The following PTPRG variants were observed in gnomAD, a reference collection of about 807,000 sequenced individuals.
PTPRG encodes the protein protein tyrosine phosphatase receptor type G, also known as receptor-type tyrosine-protein phosphatase gamma.
Under a neutral mutation model 165.3 loss-of-function variants are expected in PTPRG, and 102 were observed. That is an observed-to-expected ratio of 0.62 (90% CI 0.53 to 0.73). The LOEUF (loss-of-function observed/expected upper bound fraction) is 0.73. Among genes scored for constraint, PTPRG ranks in the 30% least tolerant of loss-of-function variants. The probability of loss-of-function intolerance (pLI) is 0.00; values close to 1 mark genes in which losing one functional copy is unlikely to be tolerated. For synonymous variants in PTPRG, 675 were observed against 669.5 expected, an observed-to-expected ratio of 1.01 and a Z score of -0.13; for missense variants, 1,866 against 1,861.4, an observed-to-expected ratio of 1.00 and a Z score of -0.05.
At chr3:62,038,214 A>T (rs941049474) in intron 4 of PTPRG, among the ~76,000 whole-genome samples, 2 of 152,214 alleles carry the variant, frequency 1.3e-5, no homozygotes, top group African/African-American at 4.8e-5. Flanking sequence ...AATTTTTATC[A>T]GGAAACTAAT....
chr3:61,872,189 C>A (rs1323786193), intron 2 of PTPRG, among the ~76,000 whole-genome samples: 2 of 152,176 alleles, frequency 1.3e-5, no homozygotes, highest in East Asian at 1.9e-4. Context: ...TTCTCTACTA[C>A]AGCTACTGTT....
intron 2 of PTPRG, among the ~76,000 whole-genome samples, chr3:61,846,332 T>C (rs1211683409): frequency 6.6e-6 from 1 of 152,296 alleles, no homozygotes; most frequent in East Asian, 1.9e-4. Flanking sequence ...CAGCTAGGAA[T>C]GTAGTCATCC....
At chr3:61,633,793 A>G (rs1399304710) in intron 1 of PTPRG, among the ~76,000 whole-genome samples, 1 of 152,116 alleles carries the variant, frequency 6.6e-6, no homozygotes, top group Non-Finnish European at 1.5e-5. Context: ...TAGGAGGAAA[A>G]ATATATAGTC....
At chr3:61,701,370 G>A (rs1334288957) in intron 1 of PTPRG, among the ~76,000 whole-genome samples, 1 of 152,118 alleles carries the variant, frequency 6.6e-6, no homozygotes, top group Non-Finnish European at 1.5e-5. Context: ...GGCTAGTGCT[G>A]TTTAATTTTC....
chr3:61,751,292 C>A (rs984851723), intron 2 of PTPRG, among the ~76,000 whole-genome samples: 1 of 152,086 alleles, frequency 6.6e-6, no homozygotes, highest in Admixed American at 6.5e-5. Context: ...AAAACCACAG[C>A]AAATGAGATG....
rs953603586 is a variant in PTPRG, at chr3:62,264,003, G to A, written c.2656+1109G>A. The A allele has an allele frequency of 2.0e-4, 31 of 152,382 alleles. No homozygotes were observed. In the Middle Eastern group the frequency reaches 0.01, roughly 49 times the overall value. 9.4% of individuals were successfully genotyped at this position (152,382 alleles called of 1,614,324 possible). A position where few individuals can be genotyped will look rare whatever the true frequency, so the allele number is the denominator to read the frequency against. On this transcript the variant is annotated intron_variant, in intron 17 of 29. Transcript: ENST00000474889. ...TCTACTAAAAATACAAAAATTAGCC[G>A]GGCGTGGTGGCAGGCGCCTGTAGTC...
rs187378391 is a variant in PTPRG at position 61,936,135 on chromosome 3, C to G, written c.191-53490C>G. On this transcript the variant is annotated intron_variant, in intron 2 of 29. Transcript: ENST00000474889. ...ACCATCTTGGAAGCAGAGAACAGCT[C>G]TCATCAGACATCAGTCCTGTTGGTG... Among the ~76,000 whole-genome samples, 156 of 152,324 alleles carry G rather than the reference C, an allele frequency of 1.0e-3. 1 individual carries two copies. Among genetic ancestry groups the G allele is most frequent in the African/African-American group, 3.0e-3 (123 of 41,580 alleles).
intron 4 of PTPRG, among the ~76,000 whole-genome samples, chr3:62,034,154 A>G (rs924830780): frequency 6.6e-6 from 1 of 152,194 alleles, no homozygotes; most frequent in African/African-American, 2.4e-5. Context: ...ATGCTCACAT[A>G]CTCAAGTTCA....
chr3:61,750,013 C>T (rs1386135214), intron 2 of PTPRG: 1 of 152,110 alleles, frequency 6.6e-6, no homozygotes, highest in Non-Finnish European at 1.5e-5. Context: ...TTTTTGCATC[C>T]TTTTGTCTAT....
chr3:62,045,673 C>A (rs976936695), intron 4 of PTPRG, among the ~76,000 whole-genome samples: 4 of 152,156 alleles, frequency 2.6e-5, no homozygotes, highest in Non-Finnish European at 5.9e-5. Flanking sequence ...GTAACAGTCA[C>A]CAGTGCCAGT....
At chr3:61,656,187 G>A (rs1702505440) in intron 1 of PTPRG, among the ~76,000 whole-genome samples, 1 of 152,122 alleles carries the variant, frequency 6.6e-6, no homozygotes, top group African/African-American at 2.4e-5. Flanking sequence ...AGCTATGATT[G>A]TACCACTGTA....
chr3:61,749,141 A>G (rs976817872), intron 2 of PTPRG, 159 bp downstream of exon 2: 2 of 722,404 alleles, frequency 2.8e-6, no homozygotes, highest in African/African-American at 1.7e-5. Flanking sequence ...TTTTTCCTCA[A>G]GGTTATAAGC....
At chr3:61,821,458 C>T (rs1036160551) in intron 2 of PTPRG, among the ~76,000 whole-genome samples, 8 of 152,226 alleles carry the variant, frequency 5.3e-5, no homozygotes, top group South Asian at 2.1e-4. Flanking sequence ...CGTGAGCCAC[C>T]GCGCACTGCC....
In PTPRG at chr3:61,808,485, G is replaced by A. The variant is rs559377611; in HGVS notation, c.190+59503G>A. On this transcript the variant is annotated intron_variant, in intron 2 of 29. Coordinates refer to ENST00000474889, the MANE Select transcript of PTPRG (RefSeq NM_002841.4). ...GGCTCTTGGTCCAGTTTGGGAACCC[G>A]TAAAAGAAGTTATCAACCTCATCAT... 2.0e-5 allele frequency among the ~76,000 whole-genome samples: 3 copies of A among 151,962 alleles called. No homozygotes were observed. In the East Asian group the frequency reaches 5.8e-4, roughly 29 times the overall value.
intron 1 of PTPRG, among the ~76,000 whole-genome samples, chr3:61,572,601 G>A (rs1416317013): frequency 6.6e-6 from 1 of 152,138 alleles, no homozygotes; most frequent in Non-Finnish European, 1.5e-5. Context: ...GTTTCTGGGT[G>A]CCTAGAGCAT....
chr3:61,802,486 G>C (rs1293684148), intron 2 of PTPRG, among the ~76,000 whole-genome samples: 2 of 152,230 alleles, frequency 1.3e-5, no homozygotes, highest in Non-Finnish European at 2.9e-5. Context: ...TACAGGGGAA[G>C]TGTTGTCAAA....
chr3:61,909,618 T>G (rs900014955), intron 2 of PTPRG, among the ~76,000 whole-genome samples: 15 of 152,104 alleles, frequency 9.9e-5, no homozygotes, highest in African/African-American at 3.1e-4. Context: ...CCCAAAATGC[T>G]CAAGCAGTTA....
chr3:62,196,719 T>C (rs987573762), intron 10 of PTPRG, among the ~76,000 whole-genome samples: 1 of 152,162 alleles, frequency 6.6e-6, no homozygotes, highest in Non-Finnish European at 1.5e-5. Context: ...TCCTCAGTTT[T>C]CCCTGAGGGA....
chr3:61,704,241 C>T (rs2031131165), intron 1 of PTPRG, among the ~76,000 whole-genome samples: 1 of 152,102 alleles, frequency 6.6e-6, no homozygotes, highest in Non-Finnish European at 1.5e-5. Context: ...TCAGTTTGTC[C>T]AGCTGTAAAA....
Sources: allele counts gnomAD v4.1 joint callset (sites outside exome capture counted in the v4.1 genomes callset), GRCh38; gene constraint gnomAD v4.1.1; transcripts MANE v1.5; gene names NCBI Gene and HGNC (gene_info 2026-07-23, HGNC 2026-07-21).